HS6ST3: variants seen among roughly 807,000 people sequenced by gnomAD.
HS6ST3 encodes the protein heparan-sulfate 6-O-sulfotransferase 3.
In HS6ST3, 12 loss-of-function variants were observed where a neutral mutation model predicts 36.7. The observed-to-expected ratio is 0.33, with a 90% confidence interval of 0.21 to 0.53. HS6ST3 has a LOEUF of 0.53. Ranked by LOEUF, HS6ST3 falls within the 20% of genes least tolerant of loss-of-function variation. The pLI, the probability that HS6ST3 is intolerant of heterozygous loss-of-function variation, is 0.95. For synonymous variants in HS6ST3, 240 were observed against 257.5 expected (o/e 0.93, Z 0.65); for missense variants, 584 against 640.9 (o/e 0.91, Z 0.96).
At chr13:96,820,454 G>T (rs1052647987) in intron 1 of HS6ST3, among the ~76,000 whole-genome samples, 1 of 152,148 alleles carries the variant, frequency 6.6e-6, no homozygotes, top group African/African-American at 2.4e-5. Flanking sequence ...TAATAATCAT[G>T]GAGAAGGGAG....
At chr13:96,814,897 T>C (rs561286661) in intron 1 of HS6ST3, among the ~76,000 whole-genome samples, 6 of 152,358 alleles carry the variant, frequency 3.9e-5, no homozygotes, top group Non-Finnish European at 7.3e-5. Flanking sequence ...ATAATATTTT[T>C]AAAGTTGTCT....
chr13:96,288,224 T>C (rs920243506), intron 1 of HS6ST3, among the ~76,000 whole-genome samples: 15 of 152,194 alleles, frequency 9.9e-5, no homozygotes, highest in Non-Finnish European at 1.9e-4. Context: ...TGTTCTATAT[T>C]GTTGGCTTTT....
At chr13:96,510,283 T>G (rs1053498410) in intron 1 of HS6ST3, among the ~76,000 whole-genome samples, 2 of 152,056 alleles carry the variant, frequency 1.3e-5, no homozygotes, top group Non-Finnish European at 2.9e-5. Flanking sequence ...CTAGGAGTCT[T>G]TAGGATTTTC....
chr13:96,483,260 G>T (rs765688952), intron 1 of HS6ST3, among the ~76,000 whole-genome samples: 1 of 152,138 alleles, frequency 6.6e-6, no homozygotes, highest in Non-Finnish European at 1.5e-5. Context: ...AGTGAGCAGG[G>T]GTTCCCCAGA....
intron 1 of HS6ST3, among the ~76,000 whole-genome samples, chr13:96,706,286 A>G (rs1875420154): frequency 6.6e-6 from 1 of 151,818 alleles, no homozygotes; most frequent in African/African-American, 2.4e-5. Context: ...GAGATGGACC[A>G]AGAAGGAGGC....
chr13:96,404,085 G>C (rs1052314026), intron 1 of HS6ST3, among the ~76,000 whole-genome samples: 2 of 152,096 alleles, frequency 1.3e-5, no homozygotes, highest in South Asian at 2.1e-4. Flanking sequence ...AGCATCTGTT[G>C]TTCATGTAAG....
intron 1 of HS6ST3, among the ~76,000 whole-genome samples, chr13:96,807,791 G>A (rs376413954): frequency 4.0e-5 from 6 of 151,660 alleles, no homozygotes; most frequent in Admixed American, 1.3e-4. Context: ...GTGGGAACCC[G>A]GGAGGTGGAG....
intron 1 of HS6ST3, among the ~76,000 whole-genome samples, chr13:96,528,508 T>C (rs1312422656): frequency 6.6e-6 from 1 of 152,178 alleles, no homozygotes; most frequent in Non-Finnish European, 1.5e-5. Flanking sequence ...TTTGATATTA[T>C]GTAATAAAAT....
chr13:96,249,212 C>T (rs1423694941), intron 1 of HS6ST3, among the ~76,000 whole-genome samples: 2 of 152,104 alleles, frequency 1.3e-5, no homozygotes, highest in South Asian at 4.1e-4. Flanking sequence ...ATTTGTGTCC[C>T]AGTGCTACTT....
chr13:96,664,631 A>C (rs578003397), intron 1 of HS6ST3, among the ~76,000 whole-genome samples: 2 of 152,270 alleles, frequency 1.3e-5, no homozygotes, highest in South Asian at 4.1e-4. Context: ...CCTACTTTAC[A>C]GAGAATGTAA....
chr13:96,178,421 C>G (rs1445780465), intron 1 of HS6ST3, among the ~76,000 whole-genome samples: 1 of 152,090 alleles, frequency 6.6e-6, no homozygotes, highest in Non-Finnish European at 1.5e-5. Flanking sequence ...GAGGTATGCA[C>G]TGCTTTTTCA....
At chr13:96,125,309 G>A (rs949749876) in intron 1 of HS6ST3, among the ~76,000 whole-genome samples, 1 of 152,094 alleles carries the variant, frequency 6.6e-6, no homozygotes, top group Non-Finnish European at 1.5e-5. Context: ...AGATCCAAAT[G>A]AAAATGGAAT....
intron 1 of HS6ST3, among the ~76,000 whole-genome samples, chr13:96,722,989 GT>G (rs2138470310): frequency 2.0e-5 from 1 of 50,098 alleles, no homozygotes; most frequent in African/African-American, 2.3e-4. Context: ...AAAAATATAC[GT>G]GTGTGTGTGT....
intron 1 of HS6ST3, among the ~76,000 whole-genome samples, chr13:96,290,313 T>A (rs1200591336): frequency 1.3e-5 from 2 of 152,018 alleles, no homozygotes; most frequent in African/African-American, 2.4e-5. Context: ...ATCCCTGTGG[T>A]GTTAATGGGT....
intron 1 of HS6ST3, among the ~76,000 whole-genome samples, chr13:96,703,990 G>C (rs978028661): frequency 6.6e-6 from 1 of 152,102 alleles, no homozygotes; most frequent in Non-Finnish European, 1.5e-5. Flanking sequence ...ATGATTCTAA[G>C]TTTCCTGAGG....
chr13:96,100,856 AAATTTCTTCT>A (rs1348938412), intron 1 of HS6ST3, among the ~76,000 whole-genome samples: 1 of 152,180 alleles, frequency 6.6e-6, no homozygotes, highest in African/African-American at 2.4e-5. Flanking sequence ...AAATAGTTTG[AAATTTCTTCT>A]AATTCAGTTT....
At chr13:96,715,323 A>G (rs1233558386) in intron 1 of HS6ST3, among the ~76,000 whole-genome samples, 4 of 152,100 alleles carry the variant, frequency 2.6e-5, no homozygotes, top group African/African-American at 9.7e-5. Context: ...TAACCCTGGG[A>G]AAGGTGGGTA....
At chr13:96,403,547 T>A (rs920878480) in intron 1 of HS6ST3, among the ~76,000 whole-genome samples, 5 of 152,228 alleles carry the variant, frequency 3.3e-5, no homozygotes, top group Non-Finnish European at 7.3e-5. Flanking sequence ...CTTTTGTGAC[T>A]TAATCATTTC....
intron 1 of HS6ST3, among the ~76,000 whole-genome samples, chr13:96,655,266 G>A (rs563228989): frequency 9.2e-5 from 14 of 152,156 alleles, no homozygotes; most frequent in African/African-American, 1.9e-4. Flanking sequence ...CCTGACAGTC[G>A]CCTGCCAACT....
Sources: gnomAD v4.1 joint callset for allele counts (sites outside exome capture counted in the v4.1 genomes callset) on GRCh38, gnomAD v4.1.1 for gene constraint, MANE v1.5 for transcripts, NCBI Gene and HGNC (gene_info 2026-07-23, HGNC 2026-07-21) for gene names.